TSPAN9: variants seen among roughly 807,000 people sequenced by gnomAD.
TSPAN9 encodes the protein tetraspanin 9.
TSPAN9 carries 16 observed loss-of-function variants against 31.0 expected under a neutral mutation model. The observed-to-expected ratio is 0.52, with a 90% CI of 0.35 to 0.78. The LOEUF (loss-of-function observed/expected upper bound fraction) is 0.78. TSPAN9 is among the 30% of genes least tolerant of loss of function. The probability of loss-of-function intolerance (pLI) is 0.01; values close to 1 mark genes in which losing one functional copy is unlikely to be tolerated. For synonymous variants in TSPAN9, 145 were observed against 121.6 expected, an observed-to-expected ratio of 1.19 and a Z score of -1.27; for missense variants, 272 against 312.5, an observed-to-expected ratio of 0.87 and a Z score of 0.98.
chr12:3,282,702 T>C (rs982000800), intron 8 of TSPAN9, among the ~76,000 whole-genome samples: 5 of 152,084 alleles, frequency 3.3e-5, no homozygotes, highest in African/African-American at 1.2e-4. Flanking sequence ...CACCTCCCAC[T>C]CCCCACCTTG....
rs377749118 is a variant in TSPAN9, at chr12:3,091,177, C to T, written c.-18+7458C>T. The stretch of plus-strand genomic sequence containing the variant: ...GCTAGTCCGGCCTTCCAGGCCCAGG[C>T]GTCTGCTGGGATTTTATTCATTCAT... On this transcript the variant is annotated intron_variant, in intron 2 of 8. Coordinates refer to ENST00000011898, the MANE Select transcript of TSPAN9 (RefSeq NM_006675.5). Among the ~76,000 whole-genome samples the T allele has an allele frequency of 6.6e-5, 10 of 152,356 alleles. No homozygotes were observed. In the East Asian group the frequency reaches 9.7e-4, roughly 15 times the overall value.
rs75158778 is a variant in TSPAN9, at chr12:3,237,659, T to G, written c.63+36403T>G. Among the ~76,000 whole-genome samples the G allele has an allele frequency of 2.4e-3, 372 of 152,318 alleles. 2 individuals carry two copies. Among genetic ancestry groups the G allele is most frequent in the Non-Finnish European group, 4.0e-3 (269 of 68,024 alleles). ...GTTGGGCTGGAATCGAAAACCTGAT[T>G]GATCTCTCCAGAACAAATGGCAGTT... On this transcript the variant is annotated intron_variant, in intron 3 of 8. Coordinates refer to ENST00000011898, the MANE Select transcript of TSPAN9 (RefSeq NM_006675.5).
intron 2 of TSPAN9, among the ~76,000 whole-genome samples, chr12:3,105,783 C>G (rs933625945): frequency 2.7e-5 from 4 of 149,664 alleles, no homozygotes; most frequent in Non-Finnish European, 5.9e-5. Flanking sequence ...CACACACGCT[C>G]ATACACACTC....
chr12:3,260,769 T>G (rs1358812822), intron 3 of TSPAN9, among the ~76,000 whole-genome samples: 1 of 152,122 alleles, frequency 6.6e-6, no homozygotes, highest in Non-Finnish European at 1.5e-5. Context: ...ATGGAAATGA[T>G]AGGCACTGCT....
At chr12:3,148,939 C>A (rs970414078) in intron 2 of TSPAN9, among the ~76,000 whole-genome samples, 2 of 152,116 alleles carry the variant, frequency 1.3e-5, no homozygotes, top group Non-Finnish European at 2.9e-5. Context: ...AACTTTGGCT[C>A]CTGCCTCTAA....
At chr12:3,208,190 C>T (rs372760183) in intron 3 of TSPAN9, among the ~76,000 whole-genome samples, 6 of 152,190 alleles carry the variant, frequency 3.9e-5, no homozygotes, top group Admixed American at 2.6e-4. Flanking sequence ...GAGTATGGAC[C>T]GCTTGGATGA....
intron 2 of TSPAN9, among the ~76,000 whole-genome samples, chr12:3,186,016 T>C (rs1484773347): frequency 1.3e-5 from 2 of 152,068 alleles, no homozygotes; most frequent in Admixed American, 1.3e-4. Flanking sequence ...CCATGTAGGG[T>C]CCCATTAGAG....
At chr12:3,225,492 A>C (rs1348542411) in intron 3 of TSPAN9, among the ~76,000 whole-genome samples, 1 of 152,144 alleles carries the variant, frequency 6.6e-6, no homozygotes, top group Non-Finnish European at 1.5e-5. Flanking sequence ...TGGGCAGAAC[A>C]GGAGTCATGC....
At chr12:3,234,134 A>G (rs566028440) in intron 3 of TSPAN9, among the ~76,000 whole-genome samples, 112 of 152,286 alleles carry the variant, frequency 7.4e-4, no homozygotes, top group African/African-American at 2.6e-3. Flanking sequence ...AAAAAAGATG[A>G]AATATTTAGC....
chr12:3,251,537 G>A (rs1862244218), intron 3 of TSPAN9, among the ~76,000 whole-genome samples: 1 of 149,042 alleles, frequency 6.7e-6, no homozygotes, highest in East Asian at 1.9e-4. Context: ...AGAGATATAT[G>A]AAAATAGCAT....
chr12:3,136,703 C>G (rs1403870784), intron 2 of TSPAN9, among the ~76,000 whole-genome samples: 1 of 152,190 alleles, frequency 6.6e-6, no homozygotes, highest in East Asian at 1.9e-4. Context: ...AACACATGTT[C>G]AGGTGCCCGT....
rs1056836810 is a variant in TSPAN9 at position 3,278,504 on chromosome 12, T to G, written c.147T>G (p.Pro49=). Residue 49 remains proline (P), a synonymous_variant, in exon 4 of 9, where the codon CCT becomes CCG. Transcript: ENST00000011898. ...GNFATFSPSF[P]SLSAANLVIA... ...TTGCCACCTTCTCCCCCAGCTTCCCTTCGTTGTCTGCAGCCAACCTGGTCA... is the reference window on the plus strand; with the variant it reads ...TTGCCACCTTCTCCCCCAGCTTCCCGTCGTTGTCTGCAGCCAACCTGGTCA... The G allele has an allele frequency of 3.7e-5, 60 of 1,614,112 alleles. No homozygotes were observed. Among genetic ancestry groups the G allele is most frequent in the Non-Finnish European group, 4.7e-5 (56 of 1,180,032 alleles).
chr12:3,221,519 C>A (rs891509813), intron 3 of TSPAN9, among the ~76,000 whole-genome samples: 4 of 151,966 alleles, frequency 2.6e-5, no homozygotes, highest in South Asian at 2.1e-4. Context: ...CCACCAAGCC[C>A]GTCTAATTTT....
intron 3 of TSPAN9, among the ~76,000 whole-genome samples, chr12:3,258,386 A>G (rs1862388020): frequency 6.6e-6 from 1 of 152,038 alleles, no homozygotes; most frequent in African/African-American, 2.4e-5. Flanking sequence ...GCCCAGAATC[A>G]CCTTGGTGTC....
At chr12:3,106,831 A>G (rs2098314943) in intron 2 of TSPAN9, among the ~76,000 whole-genome samples, 1 of 152,166 alleles carries the variant, frequency 6.6e-6, no homozygotes, top group Non-Finnish European at 1.5e-5. Flanking sequence ...TCCTGGCTAT[A>G]TAGCGCCAGG....
intron 2 of TSPAN9, among the ~76,000 whole-genome samples, chr12:3,184,441 A>G (rs2098360047): frequency 6.6e-6 from 1 of 151,952 alleles, no homozygotes; most frequent in African/African-American, 2.4e-5. Flanking sequence ...GAGAGAAAGA[A>G]AGAGAGAAAG....
At chr12:3,258,441 G>A (rs997931871) in intron 3 of TSPAN9, among the ~76,000 whole-genome samples, 18 of 152,182 alleles carry the variant, frequency 1.2e-4, no homozygotes, top group Admixed American at 2.6e-4. Flanking sequence ...CTAGATTACT[G>A]TGGGGAGGGA....
At chr12:3,222,695 C>T (rs1024362705) in intron 3 of TSPAN9, among the ~76,000 whole-genome samples, 1 of 152,158 alleles carries the variant, frequency 6.6e-6, no homozygotes, top group African/African-American at 2.4e-5. Context: ...GATGCAGGGC[C>T]CTTTCTGCAG....
At chr12:3,105,069 A>G in intron 2 of TSPAN9, among the ~76,000 whole-genome samples, 1 of 152,116 alleles carries the variant, frequency 6.6e-6, no homozygotes, top group Non-Finnish European at 1.5e-5. Context: ...TTGTTTCCAG[A>G]TGAGGGGAGG....
Sources: allele counts gnomAD v4.1 joint callset (sites outside exome capture counted in the v4.1 genomes callset), GRCh38; gene constraint gnomAD v4.1.1; transcripts MANE v1.5; gene names NCBI Gene and HGNC (gene_info 2026-07-23, HGNC 2026-07-21).